The following HS6ST3 variants were observed in gnomAD, a reference collection of about 807,000 sequenced individuals.
The protein encoded by HS6ST3 is heparan-sulfate 6-O-sulfotransferase 3.
HS6ST3 carries 12 observed loss-of-function variants against 36.7 expected under a neutral mutation model. The observed-to-expected ratio is 0.33, with a 90% CI of 0.21 to 0.53. The LOEUF is 0.53. Ranked by LOEUF, HS6ST3 falls within the 20% of genes least tolerant of loss-of-function variation. The probability of loss-of-function intolerance (pLI) is 0.95; values close to 1 mark genes in which losing one functional copy is unlikely to be tolerated. For missense variants in HS6ST3, 584 were observed against 640.9 expected (o/e 0.91, Z 0.96); for synonymous variants, 240 against 257.5 (o/e 0.93, Z 0.65).
intron 1 of HS6ST3, among the ~76,000 whole-genome samples, chr13:96,203,446 C>T (rs1491000060): frequency 6.6e-6 from 1 of 152,192 alleles, no homozygotes; most frequent in Non-Finnish European, 1.5e-5. Context: ...ACCTCCAAAT[C>T]CATGACATTG....
intron 1 of HS6ST3, among the ~76,000 whole-genome samples, chr13:96,619,253 G>A (rs1014712885): frequency 2.6e-5 from 4 of 152,166 alleles, no homozygotes; most frequent in African/African-American, 9.7e-5. Context: ...GTCATGCAAG[G>A]AAGTGCTTTT....
intron 1 of HS6ST3, among the ~76,000 whole-genome samples, chr13:96,327,406 A>T (rs970717187): frequency 6.6e-6 from 1 of 152,252 alleles, no homozygotes; most frequent in South Asian, 2.1e-4. Context: ...ATGGCTAGCC[A>T]GTTTTCCAAG....
intron 1 of HS6ST3, among the ~76,000 whole-genome samples, chr13:96,717,410 C>T (rs542496522): frequency 8.5e-5 from 13 of 152,070 alleles, no homozygotes; most frequent in Non-Finnish European, 1.6e-4. Context: ...ATGTGAAATG[C>T]CATATTTACT....
At chr13:96,205,188 A>T (rs1466459370) in intron 1 of HS6ST3, among the ~76,000 whole-genome samples, 1 of 152,232 alleles carries the variant, frequency 6.6e-6, no homozygotes, top group Non-Finnish European at 1.5e-5. Context: ...ATCAGAGAAT[A>T]CTATAAACAC....
intron 1 of HS6ST3, among the ~76,000 whole-genome samples, chr13:96,597,682 G>A (rs2056407007): frequency 6.6e-6 from 1 of 151,530 alleles, no homozygotes; most frequent in African/African-American, 2.4e-5. Flanking sequence ...TTTTCAGTTT[G>A]GCTATGTCCT....
chr13:96,580,766 T>G (rs1277130505), intron 1 of HS6ST3, among the ~76,000 whole-genome samples: 1 of 152,186 alleles, frequency 6.6e-6, no homozygotes, highest in Non-Finnish European at 1.5e-5. Flanking sequence ...AAGATTTTTC[T>G]TAGAATTCAG....
chr13:96,476,246 T>TAA (rs2055863379), intron 1 of HS6ST3, among the ~76,000 whole-genome samples: 1 of 152,200 alleles, frequency 6.6e-6, no homozygotes, highest in Non-Finnish European at 1.5e-5. Flanking sequence ...ATAATTAGGT[T>TAA]AATTTTTTTT....
intron 1 of HS6ST3, among the ~76,000 whole-genome samples, chr13:96,137,138 T>C (rs1321377046): frequency 6.6e-6 from 1 of 151,942 alleles, no homozygotes; most frequent in African/African-American, 2.4e-5. Context: ...ATGCCCCCTT[T>C]TAATTGATTT....
At chr13:96,412,836 G>A (rs2055514450) in intron 1 of HS6ST3, among the ~76,000 whole-genome samples, 1 of 149,916 alleles carries the variant, frequency 6.7e-6, no homozygotes, top group Non-Finnish European at 1.5e-5. Flanking sequence ...TGCATATACA[G>A]TATATTATAT....
At chr13:96,285,807 G>A (rs1176824151) in intron 1 of HS6ST3, among the ~76,000 whole-genome samples, 1 of 152,076 alleles carries the variant, frequency 6.6e-6, no homozygotes, top group Non-Finnish European at 1.5e-5. Flanking sequence ...AGCATGGATA[G>A]ATCCAGGGGC....
intron 1 of HS6ST3, among the ~76,000 whole-genome samples, chr13:96,317,375 TATATA>T (rs2054980141): frequency 3.5e-4 from 1 of 2,844 alleles, no homozygotes; most frequent in Admixed American, 2.0e-3. Context: ...TATAAAATTA[TATATA>T]TATATATATA....
At chr13:96,284,517 T>G (rs184608038) in intron 1 of HS6ST3, among the ~76,000 whole-genome samples, 1 of 152,288 alleles carries the variant, frequency 6.6e-6, no homozygotes, top group African/African-American at 2.4e-5. Flanking sequence ...TTCTTCTGCC[T>G]GCTTTTATTC....
chr13:96,475,812 T>G (rs1010686269), intron 1 of HS6ST3, among the ~76,000 whole-genome samples: 1 of 152,094 alleles, frequency 6.6e-6, no homozygotes, highest in African/African-American at 2.4e-5. Context: ...CAAACAGACC[T>G]CTATGGCCAT....
intron 1 of HS6ST3, among the ~76,000 whole-genome samples, chr13:96,735,662 A>G (rs559056257): frequency 7.2e-5 from 11 of 152,276 alleles, no homozygotes; most frequent in African/African-American, 2.4e-4. Flanking sequence ...CGCTAAACCA[A>G]TGGAAACTGT....
At position 96,301,444 on chromosome 13, in the gene HS6ST3, A is replaced by G. The variant is rs140885813; in HGVS notation, c.707+209875A>G. On this transcript the variant is annotated intron_variant, in intron 1 of 1. Transcript: ENST00000376705. ...GGGAATGTAGGGGTGGCAAAGTGCA[A>G]TGGGAAGAAAGCTTTGCTCTATCAG... Among the ~76,000 whole-genome samples the G allele has an allele frequency of 7.2e-4, 110 of 152,260 alleles. 2 individuals are homozygous for G. The highest frequency in any genetic ancestry group is 2.5e-3 in the African/African-American group (104 of 41,562).
intron 1 of HS6ST3, among the ~76,000 whole-genome samples, chr13:96,600,899 T>C (rs1221102454): frequency 6.6e-6 from 1 of 152,142 alleles, no homozygotes; most frequent in African/African-American, 2.4e-5. Flanking sequence ...GTCTGGGAAA[T>C]ACTTTGTTTC....
intron 1 of HS6ST3, among the ~76,000 whole-genome samples, chr13:96,437,291 A>G (rs149118939): frequency 1.3e-5 from 2 of 152,242 alleles, no homozygotes; most frequent in African/African-American, 2.4e-5. Context: ...TTCTGCACTG[A>G]TGTCTTTCTT....
At chr13:96,648,715 T>C (rs979273291) in intron 1 of HS6ST3, among the ~76,000 whole-genome samples, 1 of 152,026 alleles carries the variant, frequency 6.6e-6, no homozygotes, top group African/African-American at 2.4e-5. Flanking sequence ...TGTGTTCTCA[T>C]TGTTCAGCTC....
At chr13:96,340,777 A>G (rs1198384578) in intron 1 of HS6ST3, among the ~76,000 whole-genome samples, 1 of 152,216 alleles carries the variant, frequency 6.6e-6, no homozygotes, top group Non-Finnish European at 1.5e-5. Context: ...TATATAAGAG[A>G]TGGTCAGTAT....
Sources: gnomAD v4.1 joint callset for allele counts (sites outside exome capture counted in the v4.1 genomes callset) on GRCh38, gnomAD v4.1.1 for gene constraint, MANE v1.5 for transcripts, NCBI Gene and HGNC (gene_info 2026-07-23, HGNC 2026-07-21) for gene names.